The following NFATC1 variants were observed in gnomAD, a reference collection of about 807,000 sequenced individuals.
NFATC1 encodes nuclear factor of activated T cells 1.
Under a neutral mutation model 76.0 loss-of-function variants are expected in NFATC1, and 22 were observed. The ratio of observed to expected loss-of-function variants is 0.29; its 90% confidence interval spans 0.21 to 0.41. The LOEUF (loss-of-function observed/expected upper bound fraction) is 0.41, where lower values mean the gene tolerates loss of function less well. Ranked by LOEUF, NFATC1 falls within the 10% of genes least tolerant of loss-of-function variation. The probability of loss-of-function intolerance (pLI) is 1.00; values close to 1 mark genes in which losing one functional copy is unlikely to be tolerated. For synonymous variants in NFATC1, 704 were observed against 613.1 expected (o/e 1.15, Z -2.19); for missense variants, 1,357 against 1,337.7 (o/e 1.01, Z -0.23).
In NFATC1 at chr18:79,465,798, A is replaced by C. The variant is rs1050957025; in HGVS notation, c.1960-1652A>C. On this transcript the variant is annotated intron_variant, in intron 7 of 9. Transcript: ENST00000427363. This position sits in a 1 kb window ranked among gnomAD's most constrained non-coding sequence, Gnocchi z 4.2. ...GAAGCGTCTCTTTATCCCCCGTACA[A>C]ATGCCGAGACAGGCTCCGGGTGGCC... Among the ~76,000 whole-genome samples, 1 of 152,190 alleles carries C rather than the reference A, an allele frequency of 6.6e-6. No homozygotes were observed. Among genetic ancestry groups the C allele is most frequent in the Non-Finnish European group, 1.5e-5 (1 of 68,026 alleles).
rs1425094258 is a variant in NFATC1, at chr18:79,509,455, C to T, written c.2783-18073C>T. Among the ~76,000 whole-genome samples the T allele has an allele frequency of 4.6e-5, 7 of 152,148 alleles. No homozygotes were observed. In the South Asian group the frequency reaches 1.4e-3, roughly 32 times the overall value. On this transcript the variant is annotated intron_variant, in intron 9 of 9. Coordinates refer to ENST00000427363, the MANE Select transcript of NFATC1 (RefSeq NM_001278669.2). ...GCGAGGGGGTTGGCCATGCAGAGGG[C>T]GTGGGAGGAGAGGAGAGCACGCAGA...
rs548452579 is a variant in NFATC1, at chr18:79,429,873, G to A, written c.1227-3706G>A. Among the ~76,000 whole-genome samples the A allele has an allele frequency of 4.5e-4, 68 of 152,350 alleles. 1 individual carries two copies. In the South Asian group the frequency reaches 0.013, roughly 29 times the overall value. On this transcript the variant is annotated intron_variant, in intron 2 of 9. Coordinates refer to ENST00000427363, the MANE Select transcript of NFATC1 (RefSeq NM_001278669.2). ...TGCACCGCGGCGTCGGGTCAACGGCGGACTTCACCTATGAGGGTTCTCGTG... is the reference window on the plus strand; with the variant it reads ...TGCACCGCGGCGTCGGGTCAACGGCAGACTTCACCTATGAGGGTTCTCGTG...
At position 79,527,587 on chromosome 18, in the gene NFATC1, TG is replaced by T. The variant is rs779083983; in HGVS notation, c.*12del. 4.3e-6 allele frequency: 7 copies of T among 1,613,292 alleles called. No individual in the cohort carries two copies. The African/African-American group carries it at 8.0e-5, about 18-fold the overall frequency. On this transcript the variant is annotated 3_prime_UTR_variant, in exon 10 of 10. Coordinates refer to ENST00000427363, the MANE Select transcript of NFATC1 (RefSeq NM_001278669.2). ...GAGCACCCACTCCTAGTTGCCACAT[TG>T]GAGCACTCAGTTCAGCAGGGGTATG...
intron 8 of NFATC1, chr18:79,469,654 G>C (rs1436091412): frequency 2.0e-6 from 2 of 985,664 alleles, no homozygotes; most frequent in Admixed American, 6.1e-5. Flanking sequence ...CCCCCCATCT[G>C]CTCCAGCATG....
Position 79,404,583 on chromosome 18 carries a change from C to T in NFATC1, c.128-5820C>T, listed in dbSNP as rs140668282. The stretch of plus-strand genomic sequence containing the variant: ...AGAGGTGACAGCAGTGCCTGGGGGT[C>T]GACCTGTGGTTCAGCCCCAGCAAGT... On this transcript the variant is annotated intron_variant, in intron 1 of 9. Transcript: ENST00000427363. Among the ~76,000 whole-genome samples, 314 of 152,314 alleles carry T rather than the reference C, an allele frequency of 2.1e-3. 2 individuals carry two copies. Among genetic ancestry groups the T allele is most frequent in the Admixed American group, 2.7e-3 (41 of 15,304 alleles).
intron 3 of NFATC1, among the ~76,000 whole-genome samples, chr18:79,439,479 G>A (rs3826568): frequency 0.19 from 29,520 of 152,206 alleles, 2,986 homozygotes; most frequent in African/African-American, 0.25. Flanking sequence ...CAGGAGGCAC[G>A]GATTAATTTT....
chr18:79,506,787 C>G (rs767860588), intron 9 of NFATC1, among the ~76,000 whole-genome samples: 1 of 152,142 alleles, frequency 6.6e-6, no homozygotes. Context: ...CACTTCCTGC[C>G]TGGCTTCTGG....
chr18:79,415,428 G>A (rs1345511324), intron 2 of NFATC1, among the ~76,000 whole-genome samples: 3 of 151,916 alleles, frequency 2.0e-5, no homozygotes, highest in Non-Finnish European at 4.4e-5. Flanking sequence ...GCCTACAGGC[G>A]CCCACCACCG....
At chr18:79,494,544 C>A (rs1324796709) in intron 9 of NFATC1, among the ~76,000 whole-genome samples, 2 of 113,470 alleles carry the variant, frequency 1.8e-5, no homozygotes, top group African/African-American at 7.0e-5. Flanking sequence ...AGAGCGGGCA[C>A]ACGCCCCCCA....
intron 9 of NFATC1, among the ~76,000 whole-genome samples, chr18:79,521,265 G>C (rs952466755): frequency 2.3e-5 from 2 of 86,838 alleles, no homozygotes; most frequent in Non-Finnish European, 4.6e-5. Flanking sequence ...GTGTGTGTGG[G>C]GGCATCCGCT....
rs1179747348 is a variant in NFATC1 at position 79,401,170 on chromosome 18, G to A, written c.127+4819G>A. ...ACCCCTGGGCCTGGGCCCCTCTCCC[G>A]CTGCCCGGGATCTCTTCTGTCCAGG... On this transcript the variant is annotated intron_variant, in intron 1 of 9. Coordinates refer to ENST00000427363, the MANE Select transcript of NFATC1 (RefSeq NM_001278669.2). Among the ~76,000 whole-genome samples the A allele has an allele frequency of 2.2e-5, 3 of 134,722 alleles. No individual in the cohort carries two copies. In the Admixed American group the frequency reaches 2.3e-4, roughly 10 times the overall value. The allele number at this position is 134,722 out of a possible 152,430, so 88.4% of individuals were successfully genotyped here.
chr18:79,431,596 G>T (rs2086590543), intron 2 of NFATC1, among the ~76,000 whole-genome samples: 1 of 152,052 alleles, frequency 6.6e-6, no homozygotes, highest in Non-Finnish European at 1.5e-5. Flanking sequence ...TCTCCATGTT[G>T]CCCAGGCTGG....
intron 1 of NFATC1, chr18:79,400,498 G>A (rs2085165812): frequency 4.3e-6 from 6 of 1,402,778 alleles, no homozygotes; most frequent in South Asian, 1.6e-5. Context: ...GTCCCGGAGG[G>A]CGCGGGGGGC....
chr18:79,463,785 G>A (rs928460134), intron 7 of NFATC1, among the ~76,000 whole-genome samples: 2 of 152,232 alleles, frequency 1.3e-5, no homozygotes, highest in Non-Finnish European at 2.9e-5. Context: ...TGGCTCCGTC[G>A]GGGTCTCCAC....
chr18:79,507,312 A>G (rs1012558698), intron 9 of NFATC1, among the ~76,000 whole-genome samples: 2 of 152,190 alleles, frequency 1.3e-5, no homozygotes, highest in African/African-American at 4.8e-5. Context: ...GGTGGCAGGG[A>G]GGGAGAAGGC....
chr18:79,489,691 C>T (rs1569025343), intron 9 of NFATC1, among the ~76,000 whole-genome samples: 1 of 152,212 alleles, frequency 6.6e-6, no homozygotes, highest in Non-Finnish European at 1.5e-5. Context: ...GAGCAGACCA[C>T]ACCCCAGCCC....
chr18:79,482,076 C>T (rs2089295421), intron 8 of NFATC1, among the ~76,000 whole-genome samples: 2 of 144,482 alleles, frequency 1.4e-5, no homozygotes, highest in Admixed American at 6.9e-5. Context: ...TCCAGCATGA[C>T]CTGGTTCCTG....
rs113212796 is a variant in NFATC1, at chr18:79,529,150, G to C, written c.*1573G>C. On this transcript the variant is annotated 3_prime_UTR_variant, in exon 10 of 10. Coordinates refer to ENST00000427363, the MANE Select transcript of NFATC1 (RefSeq NM_001278669.2). ...CCATCCCGTCGGTCTGCACGTAACC[G>C]TGAAGACGTGTGGCCGCGTCCCACC... 2.6e-5 allele frequency: 4 copies of C among 152,220 alleles called. No homozygotes were observed. 9.4% of individuals were successfully genotyped at this position (152,220 alleles called of 1,614,324 possible).
At chr18:79,520,614 G>GT (rs1569052455) in intron 9 of NFATC1, among the ~76,000 whole-genome samples, 1 of 81,576 alleles carries the variant, frequency 1.2e-5, no homozygotes, top group Non-Finnish European at 2.6e-5. Flanking sequence ...TGTGTGTGTG[G>GT]GGGGGGCATC....
Sources: gnomAD v4.1 joint callset for allele counts (sites outside exome capture counted in the v4.1 genomes callset) on GRCh38, gnomAD v4.1.1 for gene constraint, Gnocchi (gnomAD v3.1) non-coding constraint, MANE v1.5 for transcripts, NCBI Gene and HGNC (gene_info 2026-07-23, HGNC 2026-07-21) for gene names.